The following DIS3L2 variants were observed in gnomAD, a reference collection of about 807,000 sequenced individuals.
DIS3L2 encodes DIS3 like 3'-5' exoribonuclease 2.
In DIS3L2, 34 loss-of-function variants were observed where a neutral mutation model predicts 97.5. The observed-to-expected ratio is 0.35, with a 90% CI of 0.27 to 0.46. DIS3L2 has a LOEUF of 0.46. Ranked by LOEUF, DIS3L2 falls within the 20% of genes least tolerant of loss-of-function variation. The pLI, the probability that DIS3L2 is intolerant of heterozygous loss-of-function variation, is 1.00. For missense variants in DIS3L2, 1,038 were observed against 1,146.0 expected (o/e 0.91, Z 1.36); for synonymous variants, 435 against 445.2 (o/e 0.98, Z 0.29).
At chr2:232,166,208 A>G (rs1453407888) in intron 9 of DIS3L2, among the ~76,000 whole-genome samples, 7 of 152,134 alleles carry the variant, frequency 4.6e-5, no homozygotes, top group Admixed American at 3.9e-4. Context: ...GCAGTGAGCT[A>G]TAATCATGCC....
At chr2:232,233,566 G>C (rs1293222444) in intron 10 of DIS3L2, among the ~76,000 whole-genome samples, 3 of 152,218 alleles carry the variant, frequency 2.0e-5, no homozygotes, top group African/African-American at 7.2e-5. Context: ...TTTATGTGAG[G>C]AGTGTCCTGC....
At chr2:232,062,670 C>T (rs1204323487) in intron 5 of DIS3L2, among the ~76,000 whole-genome samples, 1 of 152,074 alleles carries the variant, frequency 6.6e-6, no homozygotes, top group Non-Finnish European at 1.5e-5. Context: ...CTAAGACTCC[C>T]TAGTTCCTTT....
At position 232,241,937 on chromosome 2, in the gene DIS3L2, C is replaced by T. The variant is rs761370588; in HGVS notation, c.1317+3292C>T. On this transcript the variant is annotated intron_variant, in intron 11 of 20. Transcript: ENST00000325385. ...GTGCGAAACAGCTCAAGTGAAAGTT[C>T]GCCCATAAATCTCTACGATATTTTA... Among the ~76,000 whole-genome samples, 39 of 152,316 alleles carry T rather than the reference C, an allele frequency of 2.6e-4. 1 individual carries two copies. Among genetic ancestry groups the T allele is most frequent in the Admixed American group, 1.4e-3 (22 of 15,306 alleles).
At chr2:231,992,650 G>A (rs964659712) in intron 1 of DIS3L2, among the ~76,000 whole-genome samples, 1 of 151,780 alleles carries the variant, frequency 6.6e-6, no homozygotes, top group Non-Finnish European at 1.5e-5. Context: ...CTCTCACTGA[G>A]CCCCTTGTGA....
At chr2:232,020,388 T>A (rs1466069074) in intron 3 of DIS3L2, among the ~76,000 whole-genome samples, 1 of 151,894 alleles carries the variant, frequency 6.6e-6, no homozygotes, top group African/African-American at 2.4e-5. Flanking sequence ...GCAGTAAAGA[T>A]GGAGAGGAGT....
chr2:231,992,128 A>G (rs1023709362), intron 1 of DIS3L2, among the ~76,000 whole-genome samples: 1 of 152,202 alleles, frequency 6.6e-6, no homozygotes, highest in Admixed American at 6.5e-5. Context: ...CCTGCTATCA[A>G]AGATTTCGTG....
intron 13 of DIS3L2, among the ~76,000 whole-genome samples, chr2:232,266,504 G>A (rs1239494957): frequency 6.6e-6 from 1 of 152,186 alleles, no homozygotes; most frequent in Non-Finnish European, 1.5e-5. Context: ...TTGAAAATAA[G>A]GGCTTTGCAC....
chr2:232,264,344 G>A (rs1159174596), intron 13 of DIS3L2, among the ~76,000 whole-genome samples: 2 of 152,172 alleles, frequency 1.3e-5, no homozygotes, highest in Non-Finnish European at 2.9e-5. Flanking sequence ...ACATTGGCCT[G>A]GATTGTTATT....
At chr2:232,274,408 A>C (rs1694086435) in intron 13 of DIS3L2, among the ~76,000 whole-genome samples, 1 of 152,234 alleles carries the variant, frequency 6.6e-6, no homozygotes, top group South Asian at 2.1e-4. Flanking sequence ...CAGCTACATC[A>C]GAGACGTGGA....
At chr2:232,030,725 A>G (rs1034203439) in intron 5 of DIS3L2, among the ~76,000 whole-genome samples, 14 of 152,202 alleles carry the variant, frequency 9.2e-5, no homozygotes, top group African/African-American at 2.2e-4. Context: ...TGTGGTGACA[A>G]TATCTTTGAA....
chr2:232,155,096 ACTGT>A (rs1327603588), intron 8 of DIS3L2, among the ~76,000 whole-genome samples: 3 of 149,878 alleles, frequency 2.0e-5, no homozygotes, highest in Admixed American at 6.6e-5. Flanking sequence ...GCCTGCGCCC[ACTGT>A]CTGGCACTCC....
intron 10 of DIS3L2, among the ~76,000 whole-genome samples, chr2:232,228,631 C>G (rs1325111298): frequency 6.6e-6 from 1 of 152,170 alleles, no homozygotes; most frequent in African/African-American, 2.4e-5. Flanking sequence ...GACCAATAAG[C>G]TGGCATCAAT....
chr2:232,070,628 A>C (rs1285759417), intron 5 of DIS3L2, among the ~76,000 whole-genome samples: 1 of 146,812 alleles, frequency 6.8e-6, no homozygotes, highest in Non-Finnish European at 1.5e-5. Context: ...TCTGTCGCCC[A>C]GGCTGGAGTG....
intron 14 of DIS3L2, among the ~76,000 whole-genome samples, chr2:232,317,657 G>C (rs942100794): frequency 6.6e-6 from 1 of 152,010 alleles, no homozygotes; most frequent in African/African-American, 2.4e-5. Context: ...GCCTGGTCTC[G>C]AATTCCTGGC....
At chr2:232,065,655 T>C (rs879462143) in intron 5 of DIS3L2, among the ~76,000 whole-genome samples, 9 of 152,004 alleles carry the variant, frequency 5.9e-5, no homozygotes, top group Non-Finnish European at 1.2e-4. Flanking sequence ...TTTGACTCTT[T>C]GGGCTCCTGT....
At chr2:232,031,727 C>T (rs1007527306) in intron 5 of DIS3L2, among the ~76,000 whole-genome samples, 1 of 152,000 alleles carries the variant, frequency 6.6e-6, no homozygotes, top group Non-Finnish European at 1.5e-5. Flanking sequence ...GTTCACCTCC[C>T]ACTTATGAGT....
intron 5 of DIS3L2, among the ~76,000 whole-genome samples, chr2:232,080,690 C>T (rs1023677491): frequency 6.6e-6 from 1 of 151,732 alleles, no homozygotes; most frequent in African/African-American, 2.4e-5. Context: ...TGCTTGAGCT[C>T]AGGAGTTCGA....
intron 5 of DIS3L2, among the ~76,000 whole-genome samples, chr2:232,082,023 C>T (rs943994489): frequency 6.6e-6 from 1 of 152,190 alleles, no homozygotes; most frequent in Non-Finnish European, 1.5e-5. Flanking sequence ...CTCCTGACCT[C>T]AGATGATCCG....
At chr2:232,294,377 A>G (rs1694674407) in intron 13 of DIS3L2, among the ~76,000 whole-genome samples, 1 of 152,210 alleles carries the variant, frequency 6.6e-6, no homozygotes, top group Admixed American at 6.5e-5. Flanking sequence ...CTAGCTATGC[A>G]TCCGTGTTTG....
Sources: gnomAD v4.1 joint callset for allele counts (sites outside exome capture counted in the v4.1 genomes callset) on GRCh38, gnomAD v4.1.1 for gene constraint, MANE v1.5 for transcripts, NCBI Gene and HGNC (gene_info 2026-07-23, HGNC 2026-07-21) for gene names.